The following JAKMIP1 variants were observed in gnomAD, a reference collection of about 807,000 sequenced individuals.
The protein encoded by JAKMIP1 is janus kinase and microtubule-interacting protein 1.
JAKMIP1 carries 33 observed loss-of-function variants against 113.0 expected under a neutral mutation model. That is an observed-to-expected ratio of 0.29 (90% CI 0.22 to 0.39). JAKMIP1 has a LOEUF of 0.39. JAKMIP1 is among the 10% of genes least tolerant of loss of function. The pLI is 1.00. For missense variants in JAKMIP1, 813 were observed against 1,080.5 expected, an observed-to-expected ratio of 0.75 and a Z score of 3.47; for synonymous variants, 480 against 459.9, an observed-to-expected ratio of 1.04 and a Z score of -0.56.
intron 1 of JAKMIP1, among the ~76,000 whole-genome samples, chr4:6,144,044 G>A (rs1720514975): frequency 1.3e-5 from 2 of 152,232 alleles, no homozygotes; most frequent in Non-Finnish European, 2.9e-5. Context: ...GGCTCAGGAA[G>A]GAGGAGCTGC....
rs1383177503 is a variant in JAKMIP1, at chr4:6,197,874, T to C, written c.-148+2379A>G. On this transcript the variant is annotated intron_variant, in intron 1 of 20. Coordinates refer to ENST00000409021, the MANE Select transcript of JAKMIP1 (RefSeq NM_001099433.2). This position sits in a 1 kb window ranked among gnomAD's most constrained non-coding sequence, Gnocchi z 6.5. ...CTGCTGGCTTAAGCATTAGAAATTG[T>C]TCCCTCTGCCACTTGTCCCACAGCC... Among the ~76,000 whole-genome samples the C allele has an allele frequency of 6.6e-6, 1 of 152,216 alleles. No individual in the cohort carries two copies. Among genetic ancestry groups the C allele is most frequent in the Admixed American group, 6.5e-5 (1 of 15,282 alleles).
At chr4:6,134,614 G>T (rs371350580) in intron 1 of JAKMIP1, among the ~76,000 whole-genome samples, 2 of 152,238 alleles carry the variant, frequency 1.3e-5, no homozygotes, top group African/African-American at 4.8e-5. Context: ...CGCTGTGCTG[G>T]TGTTGCCCAT....
chr4:6,123,771 T>G (rs929940206), intron 1 of JAKMIP1, among the ~76,000 whole-genome samples: 1 of 152,084 alleles, frequency 6.6e-6, no homozygotes, highest in Non-Finnish European at 1.5e-5. Context: ...CAGTGAGTTA[T>G]GGTGGCGCCA....
chr4:6,117,383 G>C (rs914129465), intron 1 of JAKMIP1, among the ~76,000 whole-genome samples: 59 of 152,244 alleles, frequency 3.9e-4, no homozygotes, highest in African/African-American at 1.4e-3. Flanking sequence ...AAACCAACAA[G>C]TTTTTATTAG....
chr4:6,082,146 G>T (rs1165858311), intron 5 of JAKMIP1, among the ~76,000 whole-genome samples: 1 of 152,074 alleles, frequency 6.6e-6, no homozygotes, highest in African/African-American at 2.4e-5. Flanking sequence ...TGAGCCCAAA[G>T]AGAGGAGGCA....
At position 6,081,497 on chromosome 4, in the gene JAKMIP1, G is replaced by A. The variant is rs994445343; in HGVS notation, c.1101+112C>T. The A allele has an allele frequency of 8.6e-6, 10 of 1,159,062 alleles. No homozygotes were observed. The East Asian group carries it at 1.2e-4, about 14-fold the overall frequency. The allele number at this position is 1,159,062 out of a possible 1,614,324, so 71.8% of individuals were successfully genotyped here. A position where few individuals can be genotyped will look rare whatever the true frequency, so the allele number is the denominator to read the frequency against. Reference sequence around the variant, plus strand: ...TGACACTGTGCCTGGTGCTTTGTGGGGAGGTGGGCAGCAGGTGCGCCCCAG... The same window carrying A: ...TGACACTGTGCCTGGTGCTTTGTGGAGAGGTGGGCAGCAGGTGCGCCCCAG... On this transcript the variant is annotated intron_variant, in intron 6 of 20. Coordinates refer to ENST00000409021, the MANE Select transcript of JAKMIP1 (RefSeq NM_001099433.2). The surrounding 1 kb of genome is among the most constrained non-coding windows in gnomAD (Gnocchi z 4.6).
intron 19 of JAKMIP1, among the ~76,000 whole-genome samples, chr4:6,030,877 C>G (rs995865233): frequency 1.3e-4 from 20 of 152,324 alleles, no homozygotes; most frequent in Middle Eastern, 3.4e-3. Context: ...TGCCTCAGCC[C>G]AGCTGGGGTG....
intron 2 of JAKMIP1, among the ~76,000 whole-genome samples, chr4:6,107,595 G>A (rs1395666289): frequency 6.6e-6 from 1 of 152,204 alleles, no homozygotes; most frequent in East Asian, 1.9e-4. Context: ...TGCGGAAGAA[G>A]GAACTCTGCC....
Position 6,157,102 on chromosome 4 carries a change from A to G in JAKMIP1, c.-148+43151T>C, listed in dbSNP as rs1376351469. Among the ~76,000 whole-genome samples the G allele has an allele frequency of 1.3e-5, 2 of 152,126 alleles. No homozygotes were observed. The highest frequency in any genetic ancestry group is 4.8e-5 in the African/African-American group (2 of 41,424). On this transcript the variant is annotated intron_variant, in intron 1 of 20. Transcript: ENST00000409021. This position sits in a 1 kb window ranked among gnomAD's most constrained non-coding sequence, Gnocchi z 4.7. ...AAAAGCTGAGTTCAGCCCCCTTCTCAGCTCTCTCTCTGGAACTCTCTTGCC... is the reference window on the plus strand; with the variant it reads ...AAAAGCTGAGTTCAGCCCCCTTCTCGGCTCTCTCTCTGGAACTCTCTTGCC...
At chr4:6,091,850 T>C (rs1160337504) in intron 3 of JAKMIP1, among the ~76,000 whole-genome samples, 2 of 152,184 alleles carry the variant, frequency 1.3e-5, no homozygotes, top group Non-Finnish European at 2.9e-5. Flanking sequence ...ACCCAGGCTA[T>C]AGCTGGATGA....
chr4:6,042,047 T>C lies in JAKMIP1; in HGVS notation c.2097+112A>G, dbSNP rs1198117615. On this transcript the variant is annotated intron_variant, in intron 17 of 20. Transcript: ENST00000409021. This position sits in a 1 kb window ranked among gnomAD's most constrained non-coding sequence, Gnocchi z 5.2. ...AACAACCACTGGGGCAAAAGCAAAA[T>C]TGAGAAATGCATGCAAATCATTAGG... 8.0e-6 allele frequency: 7 copies of C among 875,100 alleles called. No individual in the cohort carries two copies. In the Admixed American group the frequency reaches 1.3e-4, roughly 16 times the overall value. The allele number at this position is 875,100 out of a possible 1,614,324, so 54.2% of individuals were successfully genotyped here. A position where few individuals can be genotyped will look rare whatever the true frequency, so the allele number is the denominator to read the frequency against.
Position 6,200,015 on chromosome 4 carries a change from G to C in JAKMIP1, c.-148+238C>G, listed in dbSNP as rs1370780176. ...GCAGCGGCTGGGAGATTTTGCAAGG[G>C]GGTCTGAAGAGGAGTGGGGGATGGG... On this transcript the variant is annotated intron_variant, in intron 1 of 20. Coordinates refer to ENST00000409021, the MANE Select transcript of JAKMIP1 (RefSeq NM_001099433.2). This position sits in a 1 kb window ranked among gnomAD's most constrained non-coding sequence, Gnocchi z 7.0. Among the ~76,000 whole-genome samples the C allele has an allele frequency of 6.7e-6, 1 of 149,720 alleles. No homozygotes were observed. Among genetic ancestry groups the C allele is most frequent in the Non-Finnish European group, 1.5e-5 (1 of 67,140 alleles).
At chr4:6,073,637 T>C (rs989551585) in intron 8 of JAKMIP1, among the ~76,000 whole-genome samples, 1 of 152,222 alleles carries the variant, frequency 6.6e-6, no homozygotes, top group Non-Finnish European at 1.5e-5. Context: ...GACTTCCTGA[T>C]AACCTGCTAT....
chr4:6,149,167 G>A (rs1334524318), intron 1 of JAKMIP1, among the ~76,000 whole-genome samples: 2 of 152,136 alleles, frequency 1.3e-5, no homozygotes, highest in South Asian at 4.1e-4. Flanking sequence ...ATGCTTTGTC[G>A]GGTCTTTTTA....
At chr4:6,068,847 G>C (rs1484405995) in intron 8 of JAKMIP1, among the ~76,000 whole-genome samples, 2 of 152,168 alleles carry the variant, frequency 1.3e-5, no homozygotes, top group Non-Finnish European at 2.9e-5. Flanking sequence ...TGGGATCACA[G>C]GTGTGAGCCA....
rs778024950 is a variant in JAKMIP1 at position 6,085,621 on chromosome 4, C to T, written c.633G>A (p.Glu211=). ...CERDIRRLMD[E]IKGKDRVILA... is the part of the protein sequence containing the mutation. ...GAATCACACGGTCTTTCCCTTTGAT[C>T]TCATCCATCTGAAAAGGAGAAAGAA... The change falls in exon 4 of 21, where the codon GAG becomes GAA. Residue 211 remains glutamate (E), a synonymous_variant. Transcript: ENST00000409021. The T allele has an allele frequency of 2.7e-5, 43 of 1,613,866 alleles. No individual in the cohort carries two copies. Among genetic ancestry groups the T allele is most frequent in the Non-Finnish European group, 5.9e-6 (7 of 1,180,016 alleles).
In JAKMIP1 at chr4:6,138,437, A is replaced by G. The variant is rs1025606660; in HGVS notation, c.-147-25440T>C. Among the ~76,000 whole-genome samples the G allele has an allele frequency of 1.3e-5, 2 of 151,528 alleles. No individual in the cohort carries two copies. Among genetic ancestry groups the G allele is most frequent in the Non-Finnish European group, 2.9e-5 (2 of 68,000 alleles). ...TTTTTAGTAGAGATGGGGTTTCGCC[A>G]TGTTGACCAGGCTGGTCTCAAACTC... On this transcript the variant is annotated intron_variant, in intron 1 of 20. Coordinates refer to ENST00000409021, the MANE Select transcript of JAKMIP1 (RefSeq NM_001099433.2). The surrounding 1 kb of genome is among the most constrained non-coding windows in gnomAD (Gnocchi z 6.0).
At chr4:6,034,530 G>A (rs975102377) in intron 19 of JAKMIP1, among the ~76,000 whole-genome samples, 1 of 152,148 alleles carries the variant, frequency 6.6e-6, no homozygotes, top group Non-Finnish European at 1.5e-5. Flanking sequence ...TGATGGGCAC[G>A]GTGGCTCACT....
In JAKMIP1 at chr4:6,076,197, TA is replaced by T. The variant is rs1719670659; in HGVS notation, c.1302+2741del. 6.6e-6 allele frequency among the ~76,000 whole-genome samples: 1 copy of T among 151,998 alleles called. No homozygotes were observed. The highest frequency in any genetic ancestry group is 1.5e-5 in the Non-Finnish European group (1 of 68,010). ...ATCTCAAAAAAAATTAGTAAATAAA[TA>T]AAAAATAAAATAAACAAACAAACAA... On this transcript the variant is annotated intron_variant, in intron 8 of 20. Transcript: ENST00000409021. The surrounding 1 kb of genome is among the most constrained non-coding windows in gnomAD (Gnocchi z 4.8).
Sources: allele counts gnomAD v4.1 joint callset (sites outside exome capture counted in the v4.1 genomes callset), GRCh38; gene constraint gnomAD v4.1.1; non-coding constraint Gnocchi (gnomAD v3.1); transcripts MANE v1.5; gene names NCBI Gene and HGNC (gene_info 2026-07-23, HGNC 2026-07-21).